LMAN2L: variants seen among roughly 807,000 people sequenced by gnomAD.
LMAN2L encodes the protein VIP36-like protein.
In LMAN2L, 30 loss-of-function variants were observed where a neutral mutation model predicts 44.3. That is an observed-to-expected ratio of 0.68 (90% CI 0.51 to 0.92). LMAN2L has a LOEUF of 0.92. Ranked by LOEUF, LMAN2L falls within the 40% of genes least tolerant of loss-of-function variation. The pLI, the probability that LMAN2L is intolerant of heterozygous loss-of-function variation, is 0.00. For missense variants in LMAN2L, 429 were observed against 446.1 expected (o/e 0.96, Z 0.35); for synonymous variants, 183 against 171.1 (o/e 1.07, Z -0.54).
At chr2:96,727,549 T>C (rs1261064920) in intron 4 of LMAN2L, among the ~76,000 whole-genome samples, 1 of 152,198 alleles carries the variant, frequency 6.6e-6, no homozygotes, top group East Asian at 1.9e-4. Flanking sequence ...GTAGGAGGAT[T>C]GAGCCTATAT....
At chr2:96,709,177 T>C (rs1242202381) in intron 6 of LMAN2L, among the ~76,000 whole-genome samples, 1 of 152,058 alleles carries the variant, frequency 6.6e-6, no homozygotes, top group Admixed American at 6.6e-5. Context: ...TGCCGTGGCC[T>C]CCCAAAGTGC....
chr2:96,722,014 C>T (rs1445602054), intron 4 of LMAN2L, among the ~76,000 whole-genome samples: 1 of 151,962 alleles, frequency 6.6e-6, no homozygotes, highest in Non-Finnish European at 1.5e-5. Flanking sequence ...GTTGCCCAGG[C>T]TGGAATCCAG....
rs1354471039 is a variant in LMAN2L, at chr2:96,711,640, G to C, written c.784+16C>G. The C allele has an allele frequency of 5.7e-6, 9 of 1,566,614 alleles. No individual in the cohort carries two copies. Among genetic ancestry groups the C allele is most frequent in the Admixed American group, 1.7e-5 (1 of 59,966 alleles). On this transcript the variant is annotated intron_variant, in intron 6 of 7. Coordinates refer to ENST00000264963, the MANE Select transcript of LMAN2L (RefSeq NM_030805.4). ...AGGCCTCAGTCAGGGCAAACCAAGA[G>C]TGCGCGTGGCAGTACCTGAGAGATC... is the stretch of plus-strand genomic sequence containing the variant.
chr2:96,728,437 C>T (rs538718091), intron 4 of LMAN2L, among the ~76,000 whole-genome samples: 3 of 147,930 alleles, frequency 2.0e-5, no homozygotes, highest in Non-Finnish European at 3.0e-5. Context: ...ACCCAGGAGG[C>T]GGACCTTGCA....
At chr2:96,707,880 G>GT (rs1456638236) in intron 6 of LMAN2L, 47 bp from the exon 7 acceptor site, 45 of 1,599,966 alleles carry the variant, frequency 2.8e-5, no homozygotes, top group Non-Finnish European at 3.6e-5. Context: ...TGAAAAAGAG[G>GT]TATGTTTCTT....
chr2:96,714,673 C>G (rs1558950309), intron 4 of LMAN2L, among the ~76,000 whole-genome samples: 1 of 152,178 alleles, frequency 6.6e-6, no homozygotes, highest in Non-Finnish European at 1.5e-5. Flanking sequence ...TCTAGTAACC[C>G]TGATTAGAAG....
chr2:96,739,621 G>A (rs2078591509), intron 1 of LMAN2L, among the ~76,000 whole-genome samples: 1 of 152,062 alleles, frequency 6.6e-6, no homozygotes, highest in South Asian at 2.1e-4. Flanking sequence ...TAGTACTAGT[G>A]GCACCCGACA....
At chr2:96,710,395 C>G (rs1384278842) in intron 6 of LMAN2L, among the ~76,000 whole-genome samples, 3 of 152,188 alleles carry the variant, frequency 2.0e-5, no homozygotes, top group African/African-American at 7.2e-5. Context: ...CCAGGCTGGG[C>G]TCAGTGGCTC....
At chr2:96,729,678 T>C (rs1369459284) in intron 4 of LMAN2L, among the ~76,000 whole-genome samples, 2 of 151,802 alleles carry the variant, frequency 1.3e-5, no homozygotes, top group African/African-American at 2.4e-5. Flanking sequence ...CTGGCTAATT[T>C]TGTATTTTTA....
intron 4 of LMAN2L, among the ~76,000 whole-genome samples, chr2:96,724,837 A>T (rs1215341594): frequency 2.0e-5 from 3 of 147,362 alleles, no homozygotes; most frequent in African/African-American, 5.0e-5. Flanking sequence ...ATTTTTATTT[A>T]TTTATTTTTT....
Position 96,711,787 on chromosome 2 carries a change from G to A in LMAN2L, c.670-17C>T. On this transcript the variant is annotated splice_polypyrimidine_tract_variant and intron_variant, in intron 5 of 7. Coordinates refer to ENST00000264963, the MANE Select transcript of LMAN2L (RefSeq NM_030805.4). The stretch of plus-strand genomic sequence containing the variant: ...CATCATTATCTAGAATAAAAAGAGA[G>A]ATAAATCAGGGTCAGGCCATGGGAG... 1 of 1,613,170 alleles carries A rather than the reference G, an allele frequency of 6.2e-7. No homozygotes were observed. The highest frequency in any genetic ancestry group is 8.5e-7 in the Non-Finnish European group (1 of 1,179,120).
intron 4 of LMAN2L, among the ~76,000 whole-genome samples, chr2:96,732,795 T>C (rs931364562): frequency 4.6e-5 from 7 of 151,152 alleles, no homozygotes; most frequent in Admixed American, 1.3e-4. Flanking sequence ...TTCTTTCTTT[T>C]TTTTTTTTTT....
chr2:96,721,326 CTTTTT>C (rs56023035), intron 4 of LMAN2L, among the ~76,000 whole-genome samples: 9 of 84,594 alleles, frequency 1.1e-4, no homozygotes, highest in Non-Finnish European at 4.4e-5. Flanking sequence ...TTCTTTCAGT[CTTTTT>C]TTTTTTTTTT....
intron 4 of LMAN2L, among the ~76,000 whole-genome samples, chr2:96,719,402 C>A (rs1296891514): frequency 7.1e-6 from 1 of 140,954 alleles, no homozygotes; most frequent in Non-Finnish European, 1.6e-5. Flanking sequence ...TGTTAAAATT[C>A]TCTCTGCCAA....
At chr2:96,707,562 T>C in intron 7 of LMAN2L, 152 bp downstream of exon 7, 1 of 1,249,156 alleles carries the variant, frequency 8.0e-7, no homozygotes. Flanking sequence ...CTCCTGCTGC[T>C]CATCTGTAAC....
intron 4 of LMAN2L, among the ~76,000 whole-genome samples, chr2:96,729,254 GA>G (rs960624317): frequency 4.7e-5 from 7 of 147,684 alleles, no homozygotes; most frequent in Non-Finnish European, 9.0e-5. Context: ...CAACCTGACA[GA>G]AAAAAAAAAG....
In LMAN2L at chr2:96,707,685, G is replaced by A. The variant is rs572747858; in HGVS notation, c.904+29C>T. On this transcript the variant is annotated intron_variant, in intron 7 of 7. Coordinates refer to ENST00000264963, the MANE Select transcript of LMAN2L (RefSeq NM_030805.4). ...ACTGCAAGCTCCTCCCCAACTATGG[G>A]ACCATTTCCCGCGGGCCCCTGTGCT... is the stretch of plus-strand genomic sequence containing the variant. The A allele has an allele frequency of 1.9e-6, 3 of 1,613,070 alleles. No individual in the cohort carries two copies. The African/African-American group carries it at 4.0e-5, about 22-fold the overall frequency.
intron 4 of LMAN2L, among the ~76,000 whole-genome samples, chr2:96,730,261 C>G (rs552093603): frequency 6.6e-6 from 1 of 152,152 alleles, no homozygotes; most frequent in African/African-American, 2.4e-5. Flanking sequence ...AACTCTTATT[C>G]AGATCCATTT....
intron 3 of LMAN2L, among the ~76,000 whole-genome samples, chr2:96,733,867 C>A (rs1474333906): frequency 3.3e-5 from 5 of 152,110 alleles, no homozygotes; most frequent in Non-Finnish European, 7.4e-5. Context: ...GCTTCCTGAT[C>A]CAAACTGGTT....
Sources: gnomAD v4.1 joint callset for allele counts (sites outside exome capture counted in the v4.1 genomes callset) on GRCh38, gnomAD v4.1.1 for gene constraint, MANE v1.5 for transcripts, NCBI Gene and HGNC (gene_info 2026-07-23, HGNC 2026-07-21) for gene names.